PHF21A: variants seen among roughly 807,000 people sequenced by gnomAD.
PHF21A encodes BHC80a.
A neutral mutation model predicts 82.5 loss-of-function variants in PHF21A; 11 were observed. The observed-to-expected ratio is 0.13, with a 90% CI of 0.08 to 0.22. PHF21A has a LOEUF of 0.22. PHF21A is among the 10% of genes least tolerant of loss of function. The pLI, the probability that PHF21A is intolerant of heterozygous loss-of-function variation, is 1.00. For missense variants in PHF21A, 579 were observed against 837.8 expected (o/e 0.69, Z 3.81); for synonymous variants, 297 against 302.8 (o/e 0.98, Z 0.20).
At chr11:46,052,619 TAGA>T (rs1042444820) in intron 6 of PHF21A, among the ~76,000 whole-genome samples, 2 of 152,132 alleles carry the variant, frequency 1.3e-5, no homozygotes, top group African/African-American at 4.8e-5. Flanking sequence ...AAGGTAGGGA[TAGA>T]AGAAGAAAGA....
chr11:45,987,603 G>A (rs892394057), intron 6 of PHF21A, among the ~76,000 whole-genome samples: 1 of 130,462 alleles, frequency 7.7e-6, no homozygotes, highest in Non-Finnish European at 1.6e-5. Flanking sequence ...AGAAGTTGCA[G>A]TGAGCCAAGA....
At position 45,979,789 on chromosome 11, in the gene PHF21A, C is replaced by T; in HGVS notation, c.331G>A (p.Ala111Thr). 6.2e-7 allele frequency: 1 copy of T among 1,614,044 alleles called. No homozygotes were observed. The highest frequency in any genetic ancestry group is 8.5e-7 in the Non-Finnish European group (1 of 1,180,030). ...GAAGCAGTCAGGTTGGGAGAGGCTG[C>T]AGCTGACTGCTGGGCGTGGTGGTGG... ...YHHHHAQQSAAASPNLTASQK... is the reference protein window; with the variant it reads ...YHHHHAQQSATASPNLTASQK... Residue 111 changes from alanine to threonine, a missense_variant, in exon 7 of 19, where the codon GCA (alanine) becomes ACA (threonine). Ala to Thr is a moderately conservative substitution (Grantham distance 58, BLOSUM62 0). Around this residue, in one of 3 missense-constraint regions of PHF21A, gnomAD observed 410 missense variants for 642.1 expected, o/e 0.64. Transcript: ENST00000676320.
rs184757143 is a variant in PHF21A at position 45,972,175 on chromosome 11, G to A, written c.361-808C>T. On this transcript the variant is annotated intron_variant, in intron 7 of 18. Coordinates refer to ENST00000676320, the MANE Select transcript of PHF21A (RefSeq NM_001352027.3). ...ACAAACATCTGAGTTTTAAAAGCCT[G>A]AGAGATCAGAAGATGAACTGAGGTG... Among the ~76,000 whole-genome samples, 283 of 152,124 alleles carry A rather than the reference G, an allele frequency of 1.9e-3. 1 individual carries two copies. The highest frequency in any genetic ancestry group is 2.4e-3 in the Admixed American group (37 of 15,278).
intron 6 of PHF21A, among the ~76,000 whole-genome samples, chr11:46,056,718 A>G (rs1260173554): frequency 1.3e-4 from 20 of 152,152 alleles, no homozygotes; most frequent in Admixed American, 1.3e-3. Flanking sequence ...CAGAAATACA[A>G]TGTAGATTTA....
chr11:46,101,426 T>TATAA (rs1196739196), intron 1 of PHF21A, among the ~76,000 whole-genome samples: 1 of 152,216 alleles, frequency 6.6e-6, no homozygotes, highest in South Asian at 2.1e-4. Context: ...TTTTACACAC[T>TATAA]ATAAATAAAG....
intron 1 of PHF21A, among the ~76,000 whole-genome samples, chr11:46,101,426 T>C (rs1449414387): frequency 6.6e-6 from 1 of 152,216 alleles, no homozygotes; most frequent in African/African-American, 2.4e-5. Flanking sequence ...TTTTACACAC[T>C]ATAAATAAAG....
chr11:46,015,699 C>T (rs2095502597), intron 6 of PHF21A, among the ~76,000 whole-genome samples: 1 of 152,052 alleles, frequency 6.6e-6, no homozygotes, highest in African/African-American at 2.4e-5. Flanking sequence ...AAAACAAAGA[C>T]ACAAACACAC....
Position 45,932,442 on chromosome 11 carries a change from G to GT in PHF21A, c.*1525dup, listed in dbSNP as rs1365434031. 6.6e-6 allele frequency: 1 copy of GT among 152,220 alleles called. No individual in the cohort carries two copies. Among genetic ancestry groups the GT allele is most frequent in the Non-Finnish European group, 1.5e-5 (1 of 68,056 alleles). The allele number at this position is 152,220 out of a possible 1,614,324, so 9.4% of individuals were successfully genotyped here. A position where few individuals can be genotyped will look rare whatever the true frequency, so the allele number is the denominator to read the frequency against. ...CGGTCTTTTCTGAGGAGAGAGAAGG[G>GT]TGGGGAGCTCCGCCTCTGTCCTTCA... On this transcript the variant is annotated 3_prime_UTR_variant, in exon 19 of 19. Coordinates refer to ENST00000676320, the MANE Select transcript of PHF21A (RefSeq NM_001352027.3). This position sits in a 1 kb window ranked among gnomAD's most constrained non-coding sequence, Gnocchi z 4.3.
At chr11:45,943,242 C>A (rs531177421) in intron 15 of PHF21A, among the ~76,000 whole-genome samples, 9 of 151,632 alleles carry the variant, frequency 5.9e-5, no homozygotes, top group African/African-American at 2.2e-4. Context: ...CCCACCTCAG[C>A]CTTGCAAGCA....
intron 6 of PHF21A, among the ~76,000 whole-genome samples, chr11:46,014,380 T>C (rs1204195741): frequency 6.6e-6 from 1 of 152,244 alleles, no homozygotes; most frequent in Non-Finnish European, 1.5e-5. Flanking sequence ...TTCCAGTGTA[T>C]ATGCACCACA....
chr11:46,118,148 A>C (rs1408111005), intron 1 of PHF21A: 1 of 152,202 alleles, frequency 6.6e-6, no homozygotes, highest in Non-Finnish European at 1.5e-5. Context: ...CTTCAAAGCT[A>C]AAAGAAATAG....
chr11:46,067,729 C>T (rs548263294), intron 6 of PHF21A, among the ~76,000 whole-genome samples: 34 of 152,294 alleles, frequency 2.2e-4, no homozygotes, highest in African/African-American at 7.9e-4. Context: ...TTCAAAAACA[C>T]TTGCTGCTCA....
At chr11:46,098,128 T>C (rs1251441029) in intron 1 of PHF21A, among the ~76,000 whole-genome samples, 2 of 152,190 alleles carry the variant, frequency 1.3e-5, no homozygotes, top group African/African-American at 4.8e-5. Flanking sequence ...AGAGGGCAGA[T>C]CCATACCTTC....
intron 4 of PHF21A, among the ~76,000 whole-genome samples, chr11:46,080,448 C>T (rs991337439): frequency 9.2e-5 from 14 of 151,822 alleles, no homozygotes; most frequent in Admixed American, 7.2e-4. Context: ...GTGAGCCACC[C>T]GCCCTAACTT....
intron 10 of PHF21A, among the ~76,000 whole-genome samples, chr11:45,963,556 T>C (rs2093251024): frequency 6.6e-6 from 1 of 152,190 alleles, no homozygotes; most frequent in Non-Finnish European, 1.5e-5. Flanking sequence ...AAGCACCTTC[T>C]ACAATTTATA....
chr11:46,035,395 G>A (rs1228186334), intron 6 of PHF21A, among the ~76,000 whole-genome samples: 1 of 152,136 alleles, frequency 6.6e-6, no homozygotes, highest in Non-Finnish European at 1.5e-5. Context: ...ACCGTTCACT[G>A]ACTAAACCTT....
intron 6 of PHF21A, among the ~76,000 whole-genome samples, chr11:46,013,755 C>T (rs977939344): frequency 2.0e-5 from 3 of 152,086 alleles, no homozygotes; most frequent in Non-Finnish European, 4.4e-5. Flanking sequence ...GGTTACTGTA[C>T]TGAATACCAT....
intron 1 of PHF21A, chr11:46,118,045 G>T (rs1442876170): frequency 6.6e-6 from 1 of 152,152 alleles, no homozygotes; most frequent in African/African-American, 2.4e-5. Flanking sequence ...AGCACCTCCT[G>T]CTGGATAGCA....
intron 18 of PHF21A, chr11:45,934,922 G>C: frequency 5.2e-6 from 2 of 382,114 alleles, no homozygotes; most frequent in South Asian, 3.9e-5. Context: ...GGAGAAAGCA[G>C]GTAAGCAGGA....
Sources: gnomAD v4.1 joint callset for allele counts (sites outside exome capture counted in the v4.1 genomes callset) on GRCh38, gnomAD v4.1.1 for gene constraint, gnomAD v4.1.1 regional missense constraint, Gnocchi (gnomAD v3.1) non-coding constraint, MANE v1.5 for transcripts, NCBI Gene and HGNC (gene_info 2026-07-23, HGNC 2026-07-21) for gene names.